SERGEF: variants seen among roughly 807,000 people sequenced by gnomAD.
The protein encoded by SERGEF is secretion-regulating guanine nucleotide exchange factor.
A neutral mutation model predicts 50.0 loss-of-function variants in SERGEF; 51 were observed. The ratio of observed to expected loss-of-function variants is 1.02; its 90% CI spans 0.81 to 1.29. The LOEUF (loss-of-function observed/expected upper bound fraction) is 1.29, where lower values mean the gene tolerates loss of function less well. SERGEF is among the 50% of genes most tolerant of loss of function. The pLI is 0.00. For missense variants in SERGEF, 521 were observed against 557.0 expected, an observed-to-expected ratio of 0.94 and a Z score of 0.65; for synonymous variants, 205 against 212.4, an observed-to-expected ratio of 0.97 and a Z score of 0.30.
intron 8 of SERGEF, among the ~76,000 whole-genome samples, chr11:17,985,234 C>A (rs1853569809): frequency 1.3e-5 from 2 of 152,198 alleles, no homozygotes; most frequent in Admixed American, 6.5e-5. Flanking sequence ...ATACCCCAGG[C>A]AGCCATCACT....
chr11:17,962,340 G>C (rs866275665), intron 8 of SERGEF, among the ~76,000 whole-genome samples: 70 of 151,602 alleles, frequency 4.6e-4, no homozygotes, highest in African/African-American at 1.6e-3. Flanking sequence ...GTCATCTGGA[G>C]TAAAAAAAAA....
chr11:18,004,027 T>A (rs1854020990), intron 4 of SERGEF, among the ~76,000 whole-genome samples: 1 of 152,232 alleles, frequency 6.6e-6, no homozygotes, highest in Non-Finnish European at 1.5e-5. Context: ...TAGAAAATTT[T>A]AAATTACATA....
intron 10 of SERGEF, among the ~76,000 whole-genome samples, chr11:17,835,842 G>T (rs1326556957): frequency 6.6e-6 from 1 of 152,192 alleles, no homozygotes; most frequent in African/African-American, 2.4e-5. Context: ...CTGAAATGTT[G>T]TAAAGTAGTG....
intron 9 of SERGEF, among the ~76,000 whole-genome samples, chr11:17,882,730 T>C (rs945484886): frequency 6.6e-6 from 1 of 152,166 alleles, no homozygotes; most frequent in Non-Finnish European, 1.5e-5. Context: ...AAAGCAAGTA[T>C]AAGCAGCAGT....
chr11:17,907,482 G>T (rs182197265), intron 9 of SERGEF, among the ~76,000 whole-genome samples: 14 of 152,324 alleles, frequency 9.2e-5, no homozygotes, highest in African/African-American at 2.9e-4. Flanking sequence ...CTCACAATGA[G>T]AATTAGTTAT....
intron 9 of SERGEF, among the ~76,000 whole-genome samples, chr11:17,900,252 T>C (rs1348384497): frequency 6.6e-6 from 1 of 152,166 alleles, no homozygotes; most frequent in Non-Finnish European, 1.5e-5. Flanking sequence ...AGCGTCTCAG[T>C]TTCCCCACCT....
At chr11:17,946,094 T>C (rs1056590610) in intron 9 of SERGEF, among the ~76,000 whole-genome samples, 2 of 152,208 alleles carry the variant, frequency 1.3e-5, no homozygotes, top group Non-Finnish European at 2.9e-5. Flanking sequence ...GAAGAACCCT[T>C]GGAACTGCTT....
intron 9 of SERGEF, among the ~76,000 whole-genome samples, chr11:17,890,158 G>A (rs1176695230): frequency 6.6e-6 from 1 of 152,112 alleles, no homozygotes; most frequent in Non-Finnish European, 1.5e-5. Flanking sequence ...AAGGTTCAGA[G>A]CCTGGCTGGA....
intron 10 of SERGEF, among the ~76,000 whole-genome samples, chr11:17,811,235 G>T (rs1246463322): frequency 6.6e-6 from 1 of 152,228 alleles, no homozygotes; most frequent in Non-Finnish European, 1.5e-5. Context: ...TAGGGTTACA[G>T]CCAGGACACA....
At chr11:17,937,427 C>T (rs1450944587) in intron 9 of SERGEF, among the ~76,000 whole-genome samples, 2 of 152,040 alleles carry the variant, frequency 1.3e-5, no homozygotes, top group Non-Finnish European at 2.9e-5. Flanking sequence ...GTCCCAGCTA[C>T]TTGGGAGGCT....
chr11:17,810,806 G>GAA (rs879258745), intron 10 of SERGEF, among the ~76,000 whole-genome samples: 294 of 134,684 alleles, frequency 2.2e-3, no homozygotes, highest in Non-Finnish European at 3.9e-3. Flanking sequence ...TACAGGTGAA[G>GAA]AAAAAAAAAA....
At chr11:17,829,569 T>G (rs1197184916) in intron 10 of SERGEF, among the ~76,000 whole-genome samples, 2 of 152,172 alleles carry the variant, frequency 1.3e-5, no homozygotes, top group Non-Finnish European at 2.9e-5. Context: ...TAGTGATTAT[T>G]TATCTAGTAA....
intron 10 of SERGEF, among the ~76,000 whole-genome samples, chr11:17,829,593 G>A (rs1195153915): frequency 1.3e-5 from 2 of 152,072 alleles, no homozygotes; most frequent in Non-Finnish European, 2.9e-5. Flanking sequence ...AACAGGAGCT[G>A]GGGTAAACCA....
At chr11:18,012,857 C>T in intron 1 of SERGEF, 94 bp downstream of exon 1, 2 of 1,524,518 alleles carry the variant, frequency 1.3e-6, no homozygotes, top group Non-Finnish European at 1.8e-6. Context: ...GGACCTCAGC[C>T]GCCCAGCCCC....
At chr11:17,918,236 C>T (rs1852083840) in intron 9 of SERGEF, among the ~76,000 whole-genome samples, 1 of 152,060 alleles carries the variant, frequency 6.6e-6, no homozygotes, top group South Asian at 2.1e-4. Context: ...AGAGACAGTC[C>T]CCAACTTATG....
chr11:17,881,628 A>T (rs1218570188), intron 9 of SERGEF, among the ~76,000 whole-genome samples: 1 of 152,256 alleles, frequency 6.6e-6, no homozygotes, highest in Non-Finnish European at 1.5e-5. Context: ...ATTCAGGACC[A>T]GGAAGCTAGA....
chr11:17,877,888 A>G (rs1043179378), intron 10 of SERGEF: 1 of 235,692 alleles, frequency 4.2e-6, no homozygotes. Flanking sequence ...GAAGCAGTCC[A>G]ATCATTCTTC....
At chr11:17,809,067 T>A (rs1175352147) in intron 10 of SERGEF, among the ~76,000 whole-genome samples, 1 of 152,180 alleles carries the variant, frequency 6.6e-6, no homozygotes, top group African/African-American at 2.4e-5. Context: ...ATAAGGGATA[T>A]AAAATGAACC....
intron 9 of SERGEF, among the ~76,000 whole-genome samples, chr11:17,938,857 T>C (rs1394484700): frequency 1.3e-5 from 2 of 152,014 alleles, no homozygotes; most frequent in Non-Finnish European, 2.9e-5. Flanking sequence ...AGGAGAGAGG[T>C]AGAGATACTT....
Sources: allele counts gnomAD v4.1 joint callset (sites outside exome capture counted in the v4.1 genomes callset), GRCh38; gene constraint gnomAD v4.1.1; transcripts MANE v1.5; gene names NCBI Gene and HGNC (gene_info 2026-07-23, HGNC 2026-07-21).